Variants in MLXIPL observed in about 807,000 individuals in gnomAD.
The protein encoded by MLXIPL is MLX interacting protein like.
MLXIPL carries 49 observed loss-of-function variants against 81.5 expected under a neutral mutation model. That is an observed-to-expected ratio of 0.60 (90% CI 0.48 to 0.76). The LOEUF (loss-of-function observed/expected upper bound fraction) is 0.76, where lower values mean the gene tolerates loss of function less well. MLXIPL is among the 30% of genes least tolerant of loss of function. MLXIPL has a pLI of 0.00. For synonymous variants in MLXIPL, 466 were observed against 485.5 expected (o/e 0.96, Z 0.53); for missense variants, 1,053 against 1,167.0 (o/e 0.90, Z 1.42).
the MLXIPL span, among the ~76,000 whole-genome samples, chr7:73,630,492 C>T: frequency 6.6e-6 from 1 of 151,468 alleles, no homozygotes; most frequent in East Asian, 1.9e-4. Context: ...GGGATTTTGC[C>T]ATGTTGGCCA....
intron 2 of MLXIPL, chr7:73,609,180 G>A (rs1395236573): frequency 6.6e-6 from 1 of 150,788 alleles, no homozygotes; most frequent in African/African-American, 2.4e-5. Context: ...TTTGAGGACT[G>A]GCCTCAAATT....
At position 73,593,577 on chromosome 7, in the gene MLXIPL, C is replaced by A. The variant is rs925273558; in HGVS notation, c.*288G>T. ...GCCTGGGGGTCATCTGCTGATTGAA[C>A]CTTCCCCATCCCCATTTTGCAGATT... On this transcript the variant is annotated 3_prime_UTR_variant, in exon 17 of 17. Transcript: ENST00000313375. 7.5e-6 allele frequency: 3 copies of A among 400,520 alleles called. No individual in the cohort carries two copies. Among genetic ancestry groups the A allele is most frequent in the South Asian group, 2.2e-5 (1 of 45,520 alleles). 24.8% of individuals were successfully genotyped at this position (400,520 alleles called of 1,614,324 possible). A position where few individuals can be genotyped will look rare whatever the true frequency, so the allele number is the denominator to read the frequency against.
chr7:73,615,732 T>C (rs1408745055), intron 2 of MLXIPL, among the ~76,000 whole-genome samples: 3 of 151,894 alleles, frequency 2.0e-5, no homozygotes, highest in Non-Finnish European at 4.4e-5. Context: ...CTGGCCAACA[T>C]GGTGAAACCG....
chr7:73,604,215 CAAAAAAAAAAAAAAA>C (rs55693159), intron 7 of MLXIPL, among the ~76,000 whole-genome samples: 5 of 50,004 alleles, frequency 1.0e-4, no homozygotes, highest in African/African-American at 1.7e-4. Context: ...GACTCCGTCT[CAAAAAAAAAAAAAAA>C]AAAAAAAAAA....
Position 73,597,166 on chromosome 7 carries a change from C to CGTTGCTG in MLXIPL, c.1603+9_1603+15dup, listed in dbSNP as rs1563478092. 6.3e-7 allele frequency: 1 copy of CGTTGCTG among 1,594,936 alleles called. No homozygotes were observed. The highest frequency in any genetic ancestry group is 1.7e-5 in the Admixed American group (1 of 57,884). ...CTCCCTCCCCAGGCTTTCCTCTCCC[C>CGTTGCTG]GTTGCTGGCCCTCACCTGCTGTGAG... On this transcript the variant is annotated intron_variant, in intron 9 of 16. Transcript: ENST00000313375.
At chr7:73,602,082 GCCTGCCTGCCTGCCTT>G (rs879977209) in intron 7 of MLXIPL, among the ~76,000 whole-genome samples, 289 of 124,998 alleles carry the variant, frequency 2.3e-3, no homozygotes, top group Middle Eastern at 0.016. Context: ...CTGCCTGCCT[GCCTGCCTGCCTGCCTT>G]CCTGCCTGCC....
At chr7:73,642,510 C>G in the MLXIPL span, among the ~76,000 whole-genome samples, 5 of 152,214 alleles carry the variant, frequency 3.3e-5, no homozygotes, top group African/African-American at 1.2e-4. Flanking sequence ...CACCACCACC[C>G]CTGGCTAATT....
At chr7:73,636,867 CTGGCCAAGA>C in the MLXIPL span, among the ~76,000 whole-genome samples, 1 of 152,076 alleles carries the variant, frequency 6.6e-6, no homozygotes, top group Non-Finnish European at 1.5e-5. Context: ...CGAGCCCAGC[CTGGCCAAGA>C]TGGTGAAACC....
At chr7:73,607,959 C>T (rs371441081) in intron 2 of MLXIPL, among the ~76,000 whole-genome samples, 25 of 148,988 alleles carry the variant, frequency 1.7e-4, no homozygotes, top group Non-Finnish European at 3.4e-4. Flanking sequence ...TGGGTTCAAG[C>T]GATTCTCCTG....
At chr7:73,606,191 G>A (rs1342714659) in intron 5 of MLXIPL, 80 bp from the exon 6 acceptor site, 3 of 1,408,998 alleles carry the variant, frequency 2.1e-6, no homozygotes, top group Non-Finnish European at 2.9e-6. Flanking sequence ...CCAGGGTCAA[G>A]TGGTCAGCAG....
At chr7:73,624,600 T>C (rs1796611695), upstream of MLXIPL, 9 of 1,392,118 alleles carry the variant, frequency 6.5e-6, no homozygotes, top group South Asian at 1.6e-5. Flanking sequence ...CATAGGCCGA[T>C]CGGGTGGGCG....
chr7:73,635,583 C>T, the MLXIPL span, among the ~76,000 whole-genome samples: 1 of 151,926 alleles, frequency 6.6e-6, no homozygotes, highest in Non-Finnish European at 1.5e-5. Flanking sequence ...CTTCTTCCAT[C>T]AGTCCATCTC....
At position 73,596,276 on chromosome 7, in the gene MLXIPL, G is replaced by C. The variant is rs1211976941; in HGVS notation, c.1939-4C>G. ...GTGTGATACGCCGGTTCTCGGTCTCGGGGAGCAGAGAGTTGGGTGAGCCTA... is the reference window on the plus strand; with the variant it reads ...GTGTGATACGCCGGTTCTCGGTCTCCGGGAGCAGAGAGTTGGGTGAGCCTA... On this transcript the variant is annotated splice_polypyrimidine_tract_variant and splice_region_variant and intron_variant, in intron 12 of 16. Coordinates refer to ENST00000313375, the MANE Select transcript of MLXIPL (RefSeq NM_032951.3). This position sits in a 1 kb window ranked among gnomAD's most constrained non-coding sequence, Gnocchi z 4.7. 6.2e-7 allele frequency: 1 copy of C among 1,613,422 alleles called. No individual in the cohort carries two copies. The highest frequency in any genetic ancestry group is 2.2e-5 in the East Asian group (1 of 44,846).
chr7:73,647,682 G>C, the MLXIPL span, among the ~76,000 whole-genome samples: 1 of 152,156 alleles, frequency 6.6e-6, no homozygotes, highest in Non-Finnish European at 1.5e-5. Flanking sequence ...TATGGGCAGA[G>C]GGGAAACTGA....
chr7:73,635,409 T>G, the MLXIPL span, among the ~76,000 whole-genome samples: 1 of 152,178 alleles, frequency 6.6e-6, no homozygotes, highest in South Asian at 2.1e-4. Context: ...ACCTATTAAT[T>G]CATCTATACT....
intron 7 of MLXIPL, among the ~76,000 whole-genome samples, chr7:73,602,172 C>CCTTCCTTCCTTCCTTCCTTCCTT (rs1794919114): frequency 6.7e-6 from 1 of 148,640 alleles, no homozygotes; most frequent in African/African-American, 2.5e-5. Context: ...TCCTTTCTTT[C>CCTTCCTTCCTTCCTTCCTTCCTT]CCTCTCTCTC....
At chr7:73,605,636 T>G (rs972742594) in intron 7 of MLXIPL, 52 bp downstream of exon 7, 50 of 1,583,398 alleles carry the variant, frequency 3.2e-5, no homozygotes, top group South Asian at 1.7e-4. Flanking sequence ...TCATCGGCCT[T>G]CCTCACACAG....
chr7:73,647,604 G>A, the MLXIPL span, among the ~76,000 whole-genome samples: 3 of 152,212 alleles, frequency 2.0e-5, no homozygotes, highest in African/African-American at 4.8e-5. Context: ...TGGCAGCTGA[G>A]GCTGAGCGAG....
intron 2 of MLXIPL, among the ~76,000 whole-genome samples, chr7:73,612,415 C>A (rs890049496): frequency 6.6e-6 from 1 of 151,434 alleles, no homozygotes; most frequent in Non-Finnish European, 1.5e-5. Context: ...CCGAGGTGGG[C>A]GGATCACCTG....
Sources: allele counts gnomAD v4.1 joint callset (sites outside exome capture counted in the v4.1 genomes callset), GRCh38; gene constraint gnomAD v4.1.1; non-coding constraint Gnocchi (gnomAD v3.1); transcripts MANE v1.5; gene names NCBI Gene and HGNC (gene_info 2026-07-23, HGNC 2026-07-21).